CSE1L: variants seen among roughly 807,000 people sequenced by gnomAD.
CSE1L encodes chromosome segregation 1 like.
CSE1L carries 24 observed loss-of-function variants against 120.4 expected under a neutral mutation model. The observed-to-expected ratio is 0.20, with a 90% confidence interval of 0.14 to 0.28. The LOEUF (loss-of-function observed/expected upper bound fraction) is 0.28, where lower values mean the gene tolerates loss of function less well. Ranked by LOEUF, CSE1L falls within the 10% of genes least tolerant of loss-of-function variation. CSE1L has a pLI of 1.00. For synonymous variants in CSE1L, 402 were observed against 398.3 expected (o/e 1.01, Z -0.11); for missense variants, 830 against 1,145.2 (o/e 0.72, Z 3.97).
At position 49,075,427 on chromosome 20, in the gene CSE1L, G is replaced by A. The variant is rs751122524; in HGVS notation, c.1242G>A (p.Gln414=). ...IFSGYVNSML[Q]EYAKNPSVNW... ...CTGGTTATGTTAATTCCATGCTGCA[G>A]GAATACGCAAAAAATCCATCTGTCA... Residue 414 remains glutamine, a synonymous_variant, in exon 12 of 25, where the codon CAG becomes CAA. Transcript: ENST00000262982. The A allele has an allele frequency of 1.2e-6, 2 of 1,613,990 alleles. No individual in the cohort carries two copies. Among genetic ancestry groups the A allele is most frequent in the South Asian group, 1.1e-5 (1 of 91,078 alleles).
intron 19 of CSE1L, 71 bp from the exon 20 acceptor site, chr20:49,090,671 A>G (rs2092094281): frequency 1.8e-6 from 2 of 1,118,098 alleles, no homozygotes; most frequent in East Asian, 4.7e-5. Context: ...GTTTTAAGAC[A>G]TATATCATGT....
intron 3 of CSE1L, among the ~76,000 whole-genome samples, chr20:49,065,512 G>A (rs1318024241): frequency 1.3e-5 from 2 of 148,520 alleles, no homozygotes; most frequent in Non-Finnish European, 3.0e-5. Flanking sequence ...AGTAGAAATG[G>A]TTTCACCATG....
chr20:49,083,002 C>T (rs1381726262), intron 14 of CSE1L, among the ~76,000 whole-genome samples: 2 of 150,938 alleles, frequency 1.3e-5, no homozygotes, highest in African/African-American at 4.9e-5. Flanking sequence ...GACTGTTTGT[C>T]CTTAACATCT....
intron 14 of CSE1L, among the ~76,000 whole-genome samples, chr20:49,079,081 C>T (rs1338142444): frequency 6.6e-6 from 1 of 151,976 alleles, no homozygotes; most frequent in Non-Finnish European, 1.5e-5. Flanking sequence ...TCAGTAGATC[C>T]GGGGTTTCCC....
At chr20:49,093,883 C>G (rs540383673) in intron 22 of CSE1L, among the ~76,000 whole-genome samples, 1 of 151,598 alleles carries the variant, frequency 6.6e-6, no homozygotes, top group Non-Finnish European at 1.5e-5. Flanking sequence ...CACCGTTCCA[C>G]TCCAGCCTGG....
At chr20:49,070,851 C>T (rs1283915543) in intron 8 of CSE1L, among the ~76,000 whole-genome samples, 14 of 152,130 alleles carry the variant, frequency 9.2e-5, no homozygotes. Flanking sequence ...TGTGAGGATC[C>T]CTTGACCTTG....
At chr20:49,088,227 C>G (rs2092074918) in intron 17 of CSE1L, 121 bp downstream of exon 17, 1 of 691,678 alleles carries the variant, frequency 1.4e-6, no homozygotes, top group African/African-American at 1.8e-5. Flanking sequence ...TCCTGACCAG[C>G]CACTAATGGA....
intron 22 of CSE1L, among the ~76,000 whole-genome samples, chr20:49,093,669 C>T (rs954532332): frequency 4.0e-5 from 6 of 149,058 alleles, no homozygotes; most frequent in Non-Finnish European, 7.4e-5. Flanking sequence ...GTAATCCTAG[C>T]ACTTTGGGAG....
At chr20:49,069,737 G>A (rs1399661911) in intron 7 of CSE1L, among the ~76,000 whole-genome samples, 4 of 152,288 alleles carry the variant, frequency 2.6e-5, no homozygotes, top group Middle Eastern at 6.8e-3. Context: ...TGTCTGGCAG[G>A]GAGACCAAGG....
At chr20:49,065,313 ATTTTTTTTTTTTTTTTTTTTT>A (rs376073464) in intron 3 of CSE1L, among the ~76,000 whole-genome samples, 1 of 52,118 alleles carries the variant, frequency 1.9e-5, no homozygotes, top group East Asian at 1.0e-3. Context: ...TGAAAAAAAA[ATTTTTTTTTTTTTTTTTTTTT>A]TTTTTTGAGA....
chr20:49,069,579 TAGG>T (rs2123702252), intron 7 of CSE1L, among the ~76,000 whole-genome samples: 1 of 152,280 alleles, frequency 6.6e-6, no homozygotes, highest in African/African-American at 2.4e-5. Context: ...TTAGCTAGAA[TAGG>T]AGATGAACAG....
intron 24 of CSE1L, chr20:49,095,287 A>G (rs1369629817): frequency 3.9e-6 from 1 of 257,536 alleles, no homozygotes; most frequent in Admixed American, 5.2e-5. Context: ...GAAGTAATCC[A>G]TCTATTATTA....
intron 15 of CSE1L, 113 bp from the exon 16 acceptor site, chr20:49,085,170 T>C (rs2092045430): frequency 2.7e-6 from 2 of 742,668 alleles, no homozygotes; most frequent in Admixed American, 2.4e-5. Context: ...TTGTCAGTGG[T>C]GGGAGATGGC....
rs150897794 is a variant in CSE1L, at chr20:49,066,302, G to T, written c.330+9G>T. The stretch of plus-strand genomic sequence containing the variant: ...AGCAAATTCAGAAGCAGGTAATGTC[G>T]CTCCACTTTTTAGATGGGCTCCTCT... On this transcript the variant is annotated intron_variant, in intron 4 of 24. Coordinates refer to ENST00000262982, the MANE Select transcript of CSE1L (RefSeq NM_001316.4). 24 of 1,614,074 alleles carry T rather than the reference G, an allele frequency of 1.5e-5. No individual in the cohort carries two copies. The highest frequency in any genetic ancestry group is 2.7e-5 in the African/African-American group (2 of 75,028).
intron 1 of CSE1L, among the ~76,000 whole-genome samples, chr20:49,051,605 G>T (rs139974913): frequency 6.6e-6 from 1 of 152,352 alleles, no homozygotes; most frequent in East Asian, 1.9e-4. Context: ...GTAGCTTTCC[G>T]TGTGCAGAGC....
intron 3 of CSE1L, among the ~76,000 whole-genome samples, chr20:49,064,518 T>C (rs2091876303): frequency 6.6e-6 from 1 of 152,134 alleles, no homozygotes; most frequent in Non-Finnish European, 1.5e-5. Flanking sequence ...AAGACCAGCT[T>C]GGGCAATAAA....
At chr20:49,084,947 C>T (rs2092043042) in intron 15 of CSE1L, among the ~76,000 whole-genome samples, 1 of 152,048 alleles carries the variant, frequency 6.6e-6, no homozygotes, top group Admixed American at 6.6e-5. Context: ...ATCTTGGCTC[C>T]ACCTCCAAAA....
rs781473427 is a variant in CSE1L at position 49,090,932 on chromosome 20, T to G, written c.2280-5T>G. On this transcript the variant is annotated splice_polypyrimidine_tract_variant and splice_region_variant and intron_variant, in intron 20 of 24. Coordinates refer to ENST00000262982, the MANE Select transcript of CSE1L (RefSeq NM_001316.4). ...TTATATTGTTGATTTTTTTTAATTC[T>G]TTAGTGAATCAGTTGACCAATATAG... 3.2e-5 allele frequency: 52 copies of G among 1,602,216 alleles called. 2 individuals carry two copies. In the South Asian group the frequency reaches 5.7e-4, roughly 18 times the overall value.
At chr20:49,088,630 TATG>T (rs1437920896) in intron 17 of CSE1L, among the ~76,000 whole-genome samples, 1 of 152,206 alleles carries the variant, frequency 6.6e-6, no homozygotes, top group African/African-American at 2.4e-5. Context: ...TTCTTGATCT[TATG>T]AGAATTAGAT....
Sources: gnomAD v4.1 joint callset for allele counts (sites outside exome capture counted in the v4.1 genomes callset) on GRCh38, gnomAD v4.1.1 for gene constraint, MANE v1.5 for transcripts, NCBI Gene and HGNC (gene_info 2026-07-23, HGNC 2026-07-21) for gene names.